Variants in HERC4 observed in about 807,000 individuals in gnomAD.
The protein encoded by HERC4 is HECT and RLD domain containing E3 ubiquitin protein ligase 4.
Under a neutral mutation model 124.3 loss-of-function variants are expected in HERC4, and 28 were observed. The ratio of observed to expected loss-of-function variants is 0.23; its 90% confidence interval spans 0.17 to 0.31. HERC4 has a LOEUF of 0.31. Among genes scored for constraint, HERC4 ranks in the 10% least tolerant of loss-of-function variants. The pLI, the probability that HERC4 is intolerant of heterozygous loss-of-function variation, is 1.00. For missense variants in HERC4, 713 were observed against 1,229.3 expected (o/e 0.58, Z 6.28); for synonymous variants, 407 against 421.5 (o/e 0.97, Z 0.42).
chr10:68,043,491 T>C (rs901926238), intron 4 of HERC4, among the ~76,000 whole-genome samples: 6 of 152,208 alleles, frequency 3.9e-5, no homozygotes, highest in Non-Finnish European at 5.9e-5. Context: ...TTTTTACCTA[T>C]GTAATTCATG....
At chr10:68,015,842 C>T (rs767624660) in intron 8 of HERC4, among the ~76,000 whole-genome samples, 2 of 152,138 alleles carry the variant, frequency 1.3e-5, no homozygotes, top group Non-Finnish European at 2.9e-5. Flanking sequence ...GTGGCTCAGG[C>T]CTATAATTCC....
At position 67,927,417 on chromosome 10, in the gene HERC4, TATA is replaced by T. The variant is rs2031196741; in HGVS notation, c.2839-2233_2839-2231del. Among the ~76,000 whole-genome samples, 13 of 11,342 alleles carry T rather than the reference TATA, an allele frequency of 1.1e-3. 1 individual carries two copies. The highest frequency in any genetic ancestry group is 2.9e-3 in the Non-Finnish European group (12 of 4,196). The allele number at this position is 11,342 out of a possible 152,430, so 7.4% of individuals were successfully genotyped here. ...ATATATATATATATATATATATATA[TATA>T]TATATATATATTTTTTTTTTTTTTT... On this transcript the variant is annotated intron_variant, in intron 23 of 24. Transcript: ENST00000373700.
chr10:67,976,146 G>A (rs12248214), intron 15 of HERC4, among the ~76,000 whole-genome samples: 1,764 of 151,922 alleles, frequency 0.012, 24 homozygotes, highest in African/African-American at 0.04. Context: ...GGCTCACAAA[G>A]CATAAAATAC....
chr10:67,962,011 T>G (rs2034555910), intron 16 of HERC4, among the ~76,000 whole-genome samples: 1 of 152,184 alleles, frequency 6.6e-6, no homozygotes, highest in African/African-American at 2.4e-5. Context: ...AAGGAACATC[T>G]GAAATCCTTT....
intron 3 of HERC4, among the ~76,000 whole-genome samples, chr10:68,050,300 T>A (rs902077738): frequency 1.1e-4 from 16 of 152,218 alleles, no homozygotes; most frequent in African/African-American, 3.1e-4. Flanking sequence ...TGTATTTAAA[T>A]TGCTTTGATG....
chr10:67,956,191 G>T (rs2034132578), intron 17 of HERC4: 1 of 152,084 alleles, frequency 6.6e-6, no homozygotes, highest in African/African-American at 2.4e-5. Flanking sequence ...GGTATAGTCA[G>T]ATATTCTATA....
At chr10:67,946,248 C>T (rs1389764517) in intron 19 of HERC4, among the ~76,000 whole-genome samples, 1 of 130,864 alleles carries the variant, frequency 7.6e-6, no homozygotes, top group Non-Finnish European at 1.7e-5. Context: ...ACCCTATGTC[C>T]AAAAAAAAAA....
intron 3 of HERC4, among the ~76,000 whole-genome samples, chr10:68,047,655 T>G (rs1405111453): frequency 6.6e-6 from 1 of 152,084 alleles, no homozygotes; most frequent in Non-Finnish European, 1.5e-5. Flanking sequence ...TTATGTCCCA[T>G]GGGAATTACA....
intron 23 of HERC4, among the ~76,000 whole-genome samples, chr10:67,926,362 A>C (rs1182387318): frequency 6.6e-6 from 1 of 151,718 alleles, no homozygotes; most frequent in East Asian, 1.9e-4. Flanking sequence ...GTGCCATTGC[A>C]CTCCAGCCTG....
At chr10:67,965,925 T>C (rs2034838099) in intron 16 of HERC4, 1 of 152,236 alleles carries the variant, frequency 6.6e-6, no homozygotes, top group African/African-American at 2.4e-5. Context: ...TAATTCAAGT[T>C]TTATAAGACC....
intron 15 of HERC4, among the ~76,000 whole-genome samples, chr10:67,983,010 C>T (rs2132658839): frequency 6.6e-6 from 1 of 151,604 alleles, no homozygotes; most frequent in East Asian, 1.9e-4. Context: ...GGCCTGTAGT[C>T]CCAGTTAATT....
In HERC4 at chr10:68,059,483, ATATAT is replaced by A. The variant is rs1370534805; in HGVS notation, c.226+13395_226+13399del. Among the ~76,000 whole-genome samples, 12 of 129,484 alleles carry A rather than the reference ATATAT, an allele frequency of 9.3e-5. No homozygotes were observed. The South Asian group carries it at 1.3e-3, about 14-fold the overall frequency. 84.9% of individuals were successfully genotyped at this position (129,484 alleles called of 152,430 possible). On this transcript the variant is annotated intron_variant, in intron 3 of 24. Coordinates refer to ENST00000373700, the MANE Select transcript of HERC4 (RefSeq NM_015601.4). Reference sequence around the variant, plus strand: ...TAATAATATTATATATTATAATATTATATATTATAACATTATATATTATAATATTA... The same window carrying A: ...TAATAATATTATATATTATAATATTATATAACATTATATATTATAATATTA...
At position 67,991,188 on chromosome 10, in the gene HERC4, C is replaced by T; in HGVS notation, c.1283G>A (p.Gly428Glu). ...TAGGCAACCAGAGGAAGAAAACGTT[C>T]CATCTATCTCACTAAAAAATTTAAA... ...FPVEIANEID[G>E]TFSSSGCLNG... Residue 428 changes from glycine to glutamate, a missense_variant, in exon 12 of 25, where the codon GGA (glycine) becomes GAA (glutamate). Transcript: ENST00000373700. The T allele has an allele frequency of 6.5e-7, 1 of 1,533,830 alleles. No homozygotes were observed. The highest frequency in any genetic ancestry group is 1.4e-5 in the South Asian group (1 of 73,748).
intron 9 of HERC4, among the ~76,000 whole-genome samples, chr10:68,013,452 T>C (rs568678585): frequency 3.2e-4 from 48 of 152,336 alleles, no homozygotes; most frequent in South Asian, 1.4e-3. Flanking sequence ...GAGGACGTTA[T>C]GCTTAGTGAA....
intron 22 of HERC4, among the ~76,000 whole-genome samples, chr10:67,935,862 C>T (rs1439109962): frequency 6.6e-6 from 1 of 152,190 alleles, no homozygotes; most frequent in Admixed American, 6.5e-5. Flanking sequence ...ATCCAGCTGG[C>T]TTCGTGACTC....
chr10:68,069,159 T>G, intron 3 of HERC4: 1 of 968,080 alleles, frequency 1.0e-6, no homozygotes, highest in Non-Finnish European at 1.2e-6. Flanking sequence ...AAGGATCTTG[T>G]AAAGAAAAGT....
intron 3 of HERC4, among the ~76,000 whole-genome samples, chr10:68,052,938 T>C (rs1216530855): frequency 6.6e-6 from 1 of 152,202 alleles, no homozygotes; most frequent in Non-Finnish European, 1.5e-5. Context: ...CAGACTTGTT[T>C]TATACCTTCT....
chr10:68,041,411 T>G (rs1180288707), intron 4 of HERC4, among the ~76,000 whole-genome samples: 1 of 152,170 alleles, frequency 6.6e-6, no homozygotes, highest in African/African-American at 2.4e-5. Flanking sequence ...TTAATTTTTC[T>G]TTTTAATCTA....
At chr10:67,935,405 A>C (rs2032269833) in intron 22 of HERC4, among the ~76,000 whole-genome samples, 1 of 152,102 alleles carries the variant, frequency 6.6e-6, no homozygotes, top group Non-Finnish European at 1.5e-5. Flanking sequence ...TCGGCCTCCC[A>C]GAGTGCTGGG....
Sources: allele counts gnomAD v4.1 joint callset (sites outside exome capture counted in the v4.1 genomes callset), GRCh38; gene constraint gnomAD v4.1.1; transcripts MANE v1.5; gene names NCBI Gene and HGNC (gene_info 2026-07-23, HGNC 2026-07-21).